Variants in UNC5C observed in about 807,000 individuals in gnomAD.
UNC5C encodes unc-5 netrin receptor C.
A neutral mutation model predicts 99.8 loss-of-function variants in UNC5C; 47 were observed. The observed-to-expected ratio is 0.47, with a 90% confidence interval of 0.37 to 0.60. The LOEUF (loss-of-function observed/expected upper bound fraction) is 0.60, where lower values mean the gene tolerates loss of function less well. Among genes scored for constraint, UNC5C ranks in the 20% least tolerant of loss-of-function variants. The pLI, the probability that UNC5C is intolerant of heterozygous loss-of-function variation, is 0.00. For synonymous variants in UNC5C, 487 were observed against 452.2 expected, an observed-to-expected ratio of 1.08 and a Z score of -0.98; for missense variants, 1,062 against 1,165.9, an observed-to-expected ratio of 0.91 and a Z score of 1.30.
chr4:95,484,118 T>C (rs1170371105), intron 1 of UNC5C, among the ~76,000 whole-genome samples: 2 of 151,628 alleles, frequency 1.3e-5, no homozygotes, highest in East Asian at 3.9e-4. Context: ...AGAAATAAAA[T>C]GGGTAATGAG....
intron 1 of UNC5C, among the ~76,000 whole-genome samples, chr4:95,417,238 A>G (rs548114491): frequency 4.6e-5 from 7 of 152,250 alleles, no homozygotes; most frequent in Non-Finnish European, 1.0e-4. Context: ...AATGAACTGC[A>G]CATGGAAATG....
chr4:95,443,194 CA>C (rs1254449525), intron 1 of UNC5C, among the ~76,000 whole-genome samples: 1 of 152,072 alleles, frequency 6.6e-6, no homozygotes. Flanking sequence ...ATAGTCTAAA[CA>C]ATTAGACAGC....
At chr4:95,434,678 G>A (rs537040856) in intron 1 of UNC5C, among the ~76,000 whole-genome samples, 22 of 152,116 alleles carry the variant, frequency 1.4e-4, no homozygotes, top group East Asian at 9.7e-4. Context: ...AGTGACTCTC[G>A]CTTGGTTTCT....
chr4:95,320,486 C>T (rs1207204394), intron 2 of UNC5C, among the ~76,000 whole-genome samples: 1 of 150,238 alleles, frequency 6.7e-6, no homozygotes, highest in African/African-American at 2.4e-5. Flanking sequence ...AAACCCTTCA[C>T]ATACTTTAGC....
At chr4:95,204,363 G>A (rs1267728924) in intron 11 of UNC5C, among the ~76,000 whole-genome samples, 2 of 152,186 alleles carry the variant, frequency 1.3e-5, no homozygotes, top group African/African-American at 4.8e-5. Flanking sequence ...TGCATCCTGG[G>A]GCAACCAGGT....
chr4:95,433,414 A>C (rs1224218425), intron 1 of UNC5C, among the ~76,000 whole-genome samples: 2 of 151,916 alleles, frequency 1.3e-5, no homozygotes, highest in Non-Finnish European at 2.9e-5. Context: ...TTCATTTTGG[A>C]GCATTTATTT....
Position 95,209,845 on chromosome 4 carries a change from G to GA in UNC5C, c.1734-3050dup, listed in dbSNP as rs770746822. Among the ~76,000 whole-genome samples the GA allele has an allele frequency of 2.4e-4, 37 of 152,216 alleles. 1 individual carries two copies. Among genetic ancestry groups the GA allele is most frequent in the Non-Finnish European group, 4.1e-4 (28 of 68,014 alleles). The stretch of plus-strand genomic sequence containing the variant: ...TCTATTTTTTCCTCTCCTGGAGGGG[G>GA]AAAAAACCAATGATTGCATTTTTCT... On this transcript the variant is annotated intron_variant, in intron 10 of 15. Transcript: ENST00000453304.
At chr4:95,248,744 C>G in intron 5 of UNC5C, 1 of 349,880 alleles carries the variant, frequency 2.9e-6, no homozygotes, top group Non-Finnish European at 5.6e-6. Flanking sequence ...CCATAATGGT[C>G]TGTTCCATAA....
chr4:95,444,589 C>T (rs1013335474), intron 1 of UNC5C, among the ~76,000 whole-genome samples: 22 of 152,158 alleles, frequency 1.4e-4, no homozygotes, highest in African/African-American at 5.3e-4. Context: ...CCTCAACCTC[C>T]CAAAGTGCTG....
At chr4:95,388,137 G>A (rs1355753550) in intron 1 of UNC5C, among the ~76,000 whole-genome samples, 1 of 152,098 alleles carries the variant, frequency 6.6e-6, no homozygotes, top group Non-Finnish European at 1.5e-5. Flanking sequence ...GAACATGAAG[G>A]ATGATGTAAA....
intron 1 of UNC5C, among the ~76,000 whole-genome samples, chr4:95,342,957 G>T (rs1743635659): frequency 6.6e-6 from 1 of 151,810 alleles, no homozygotes; most frequent in African/African-American, 2.4e-5. Flanking sequence ...GGAAGAGCGG[G>T]AGAAACTTTG....
chr4:95,320,201 C>T (rs779840935), intron 2 of UNC5C, among the ~76,000 whole-genome samples: 4 of 151,954 alleles, frequency 2.6e-5, no homozygotes, highest in African/African-American at 7.2e-5. Flanking sequence ...GTGGGCAGGT[C>T]GCCTGAGGTC....
chr4:95,265,027 GCCATCCTGATGCCTGGGGCC>G (rs1740389558), intron 4 of UNC5C, among the ~76,000 whole-genome samples: 1 of 152,070 alleles, frequency 6.6e-6, no homozygotes, highest in African/African-American at 2.4e-5. Flanking sequence ...GAGCGCTTAA[GCCATCCTGATGCCTGGGGCC>G]CCACCTTCAA....
At chr4:95,398,835 A>G (rs1274487592) in intron 1 of UNC5C, among the ~76,000 whole-genome samples, 1 of 152,166 alleles carries the variant, frequency 6.6e-6, no homozygotes, top group Non-Finnish European at 1.5e-5. Flanking sequence ...TTCTGCCTAC[A>G]GTGAATTCTA....
chr4:95,487,955 G>T (rs1400250349), intron 1 of UNC5C, among the ~76,000 whole-genome samples: 1 of 151,710 alleles, frequency 6.6e-6, no homozygotes. Flanking sequence ...TTTACAAGAA[G>T]GTTGAAGAGA....
chr4:95,336,987 T>A (rs1471999048), intron 1 of UNC5C, among the ~76,000 whole-genome samples: 2 of 151,918 alleles, frequency 1.3e-5, no homozygotes, highest in East Asian at 3.9e-4. Flanking sequence ...TCAAGACTGC[T>A]TAAATAAACA....
At chr4:95,490,999 A>G (rs1171400967) in intron 1 of UNC5C, among the ~76,000 whole-genome samples, 4 of 151,654 alleles carry the variant, frequency 2.6e-5, no homozygotes. Flanking sequence ...TGCCTTGCAC[A>G]TGGAACAGAG....
chr4:95,174,324 T>A (rs1422264212), intron 14 of UNC5C, among the ~76,000 whole-genome samples: 1 of 152,130 alleles, frequency 6.6e-6, no homozygotes, highest in Non-Finnish European at 1.5e-5. Context: ...GTTCTTTTAA[T>A]TGTGATGTTA....
intron 1 of UNC5C, among the ~76,000 whole-genome samples, chr4:95,505,959 T>G (rs902123428): frequency 6.6e-6 from 1 of 152,026 alleles, no homozygotes; most frequent in Admixed American, 6.6e-5. Flanking sequence ...TCTAAAGGGT[T>G]TTTTTTATTG....
Sources: gnomAD v4.1 joint callset for allele counts (sites outside exome capture counted in the v4.1 genomes callset) on GRCh38, gnomAD v4.1.1 for gene constraint, MANE v1.5 for transcripts, NCBI Gene and HGNC (gene_info 2026-07-23, HGNC 2026-07-21) for gene names.